Variants in COP1 observed in about 807,000 individuals in gnomAD.
COP1 encodes the protein E3 ubiquitin-protein ligase COP1.
A neutral mutation model predicts 101.3 loss-of-function variants in COP1; 24 were observed. The observed-to-expected ratio is 0.24, with a 90% confidence interval of 0.17 to 0.33. COP1 has a LOEUF of 0.33. Ranked by LOEUF, COP1 falls within the 10% of genes least tolerant of loss-of-function variation. The pLI, the probability that COP1 is intolerant of heterozygous loss-of-function variation, is 1.00. For synonymous variants in COP1, 347 were observed against 341.9 expected, an observed-to-expected ratio of 1.01 and a Z score of -0.17; for missense variants, 663 against 906.2, an observed-to-expected ratio of 0.73 and a Z score of 3.45.
Position 176,058,706 on chromosome 1 carries a change from A to T in COP1, c.1278-12382T>A, listed in dbSNP as rs967219902. On this transcript the variant is annotated intron_variant, in intron 11 of 19. Transcript: ENST00000367669. ...CTGACCTTCCCTCCACTATTGTCCTATGACCCTGCCAAATCCCCCTCTGCG... is the reference window on the plus strand; with the variant it reads ...CTGACCTTCCCTCCACTATTGTCCTTTGACCCTGCCAAATCCCCCTCTGCG... 8.6e-5 allele frequency among the ~76,000 whole-genome samples: 13 copies of T among 151,038 alleles called. 1 individual carries two copies. Among genetic ancestry groups the T allele is most frequent in the African/African-American group, 2.9e-4 (12 of 41,100 alleles).
intron 19 of COP1, among the ~76,000 whole-genome samples, chr1:175,946,927 ACAGTGAAT>A (rs1355217299): frequency 1.3e-5 from 2 of 152,230 alleles, no homozygotes; most frequent in African/African-American, 2.4e-5. Flanking sequence ...TGCTTAGCCC[ACAGTGAAT>A]GTTCACTAGT....
In COP1 at chr1:176,008,053, G is replaced by A. The variant is rs1041578601; in HGVS notation, c.1730-18574C>T. 8.5e-5 allele frequency among the ~76,000 whole-genome samples: 13 copies of A among 152,294 alleles called. No homozygotes were observed. In the Middle Eastern group the frequency reaches 0.014, roughly 159 times the overall value. ...GCGGGATATAATCTCGTGGTGCGCC[G>A]TTTTTTAAGCCGGTCGGAAAAGCGC... On this transcript the variant is annotated intron_variant, in intron 15 of 19. Transcript: ENST00000367669.
At chr1:176,071,507 T>TTGA (rs1325657909) in intron 11 of COP1, among the ~76,000 whole-genome samples, 1 of 152,110 alleles carries the variant, frequency 6.6e-6, no homozygotes, top group Non-Finnish European at 1.5e-5. Flanking sequence ...CTTAAACTGT[T>TTGA]TGACATGAAT....
chr1:176,144,788 TTTTAATA>T (rs1329676389), intron 6 of COP1, among the ~76,000 whole-genome samples: 1 of 152,170 alleles, frequency 6.6e-6, no homozygotes, highest in Non-Finnish European at 1.5e-5. Flanking sequence ...AGAATGGACT[TTTTAATA>T]AAGGATGCTT....
intron 3 of COP1, among the ~76,000 whole-genome samples, chr1:176,173,416 A>C (rs1156492252): frequency 6.6e-6 from 1 of 151,184 alleles, no homozygotes; most frequent in Non-Finnish European, 1.5e-5. Context: ...CAGGAGGATC[A>C]CTGGAGCCCA....
At chr1:175,947,322 T>C in intron 18 of COP1, 83 bp from the exon 19 acceptor site, 1 of 907,348 alleles carries the variant, frequency 1.1e-6, no homozygotes, top group East Asian at 2.4e-5. Context: ...TTCATCCTTC[T>C]TTCTTCACTT....
At chr1:175,976,278 T>TTTTTTTTTTTTTTTTA (rs1654553109) in intron 18 of COP1, among the ~76,000 whole-genome samples, 1 of 124,314 alleles carries the variant, frequency 8.0e-6, no homozygotes, top group African/African-American at 2.9e-5. Context: ...TTCTTTTTTT[T>TTTTTTTTTTTTTTTTA]TTTTTTTTTT....
At chr1:176,115,009 T>C (rs911418062) in intron 9 of COP1, among the ~76,000 whole-genome samples, 5 of 152,120 alleles carry the variant, frequency 3.3e-5, no homozygotes, top group Admixed American at 2.0e-4. Flanking sequence ...TACGCATATA[T>C]AGGTAAAAGA....
chr1:176,033,288 T>TG (rs1557965829), intron 14 of COP1, among the ~76,000 whole-genome samples: 1 of 151,644 alleles, frequency 6.6e-6, no homozygotes, highest in African/African-American at 2.4e-5. Context: ...GGGGCGAGGG[T>TG]GGGGGGAACA....
At chr1:176,155,252 G>GCC (rs1215286576) in intron 5 of COP1, among the ~76,000 whole-genome samples, 1 of 152,050 alleles carries the variant, frequency 6.6e-6, no homozygotes, top group Non-Finnish European at 1.5e-5. Context: ...CAGCGATGAA[G>GCC]CCCCAGTTAA....
At chr1:176,031,663 A>C (rs1205644264) in intron 14 of COP1, among the ~76,000 whole-genome samples, 1 of 152,162 alleles carries the variant, frequency 6.6e-6, no homozygotes, top group East Asian at 1.9e-4. Flanking sequence ...TCATACCATA[A>C]TTAGGAGGTT....
Position 175,944,935 on chromosome 1 carries a change from T to C in COP1, c.*218A>G, listed in dbSNP as rs1205682841. The C allele has an allele frequency of 3.9e-6, 2 of 506,560 alleles. No homozygotes were observed. Among genetic ancestry groups the C allele is most frequent in the Non-Finnish European group, 7.0e-6 (2 of 284,828 alleles). The allele number at this position is 506,560 out of a possible 1,614,324, so 31.4% of individuals were successfully genotyped here. On this transcript the variant is annotated 3_prime_UTR_variant, in exon 20 of 20. Coordinates refer to ENST00000367669, the MANE Select transcript of COP1 (RefSeq NM_022457.7). ...ACACCACCAAGAGCAGCAATGTCCA[T>C]GGAGTTACATTGATGGTGGAGAGTT...
intron 11 of COP1, among the ~76,000 whole-genome samples, chr1:176,070,240 C>T (rs549097063): frequency 6.6e-6 from 1 of 152,184 alleles, no homozygotes; most frequent in South Asian, 2.1e-4. Flanking sequence ...TCTGGCTACC[C>T]TAGTTCTTAT....
chr1:176,020,978 C>CT (rs1479025587), intron 15 of COP1, among the ~76,000 whole-genome samples: 7 of 152,058 alleles, frequency 4.6e-5, no homozygotes, highest in Admixed American at 3.9e-4. Flanking sequence ...CTTCTTTCTT[C>CT]TTTCTTTTTT....
chr1:176,003,338 G>A (rs1662258681), intron 15 of COP1, among the ~76,000 whole-genome samples: 1 of 152,154 alleles, frequency 6.6e-6, no homozygotes, highest in Admixed American at 6.5e-5. Context: ...TCGCTGTGCA[G>A]AAGCTCTTTA....
At chr1:175,957,121 GTTAAT>G (rs1650754634) in intron 18 of COP1, among the ~76,000 whole-genome samples, 1 of 151,756 alleles carries the variant, frequency 6.6e-6, no homozygotes, top group Admixed American at 6.6e-5. Flanking sequence ...GTAAACTATA[GTTAAT>G]TTATTATTGA....
chr1:175,960,064 A>T (rs1218535310), intron 18 of COP1, among the ~76,000 whole-genome samples: 1 of 152,188 alleles, frequency 6.6e-6, no homozygotes, highest in Non-Finnish European at 1.5e-5. Flanking sequence ...AGAGGTCTGT[A>T]GGCTTCTCTT....
chr1:176,203,179 T>C (rs1353913408), intron 1 of COP1, among the ~76,000 whole-genome samples: 3 of 151,328 alleles, frequency 2.0e-5, no homozygotes, highest in Non-Finnish European at 4.4e-5. Flanking sequence ...CTACTAAAAA[T>C]ACAAAAAATT....
At chr1:176,164,976 T>C (rs1238605659) in intron 3 of COP1, among the ~76,000 whole-genome samples, 1 of 152,164 alleles carries the variant, frequency 6.6e-6, no homozygotes, top group Non-Finnish European at 1.5e-5. Flanking sequence ...TGGTGACATA[T>C]ACAATGAGAC....
Sources: gnomAD v4.1 joint callset for allele counts (sites outside exome capture counted in the v4.1 genomes callset) on GRCh38, gnomAD v4.1.1 for gene constraint, MANE v1.5 for transcripts, NCBI Gene and HGNC (gene_info 2026-07-23, HGNC 2026-07-21) for gene names.